Variants in DPYD observed in about 807,000 individuals in gnomAD.
The protein encoded by DPYD is dihydropyrimidine dehydrogenase [NADP(+)].
In DPYD, 109 loss-of-function variants were observed where a neutral mutation model predicts 116.2. The observed-to-expected ratio is 0.94, with a 90% CI of 0.80 to 1.10. DPYD has a LOEUF of 1.10. Among genes scored for constraint, DPYD ranks in the 50% least tolerant of loss-of-function variants. The pLI is 0.00. For missense variants in DPYD, 1,302 were observed against 1,254.5 expected, an observed-to-expected ratio of 1.04 and a Z score of -0.57; for synonymous variants, 440 against 432.0, an observed-to-expected ratio of 1.02 and a Z score of -0.23.
At chr1:97,343,272 A>T (rs1464332266) in intron 16 of DPYD, among the ~76,000 whole-genome samples, 1 of 152,118 alleles carries the variant, frequency 6.6e-6, no homozygotes, top group Non-Finnish European at 1.5e-5. Flanking sequence ...TTCAATTGTC[A>T]CAAACAAAGG....
chr1:97,864,869 G>C (rs1393967113), intron 2 of DPYD, among the ~76,000 whole-genome samples: 3 of 151,956 alleles, frequency 2.0e-5, no homozygotes, highest in Non-Finnish European at 2.9e-5. Flanking sequence ...AGTAAGATAT[G>C]AGAGCCTGGC....
chr1:97,317,006 C>A (rs1426466925), intron 16 of DPYD, among the ~76,000 whole-genome samples: 1 of 151,838 alleles, frequency 6.6e-6, no homozygotes, highest in East Asian at 1.9e-4. Flanking sequence ...ACAAAAAACT[C>A]TTCGAGAGCC....
intron 12 of DPYD, among the ~76,000 whole-genome samples, chr1:97,543,962 T>G (rs534207858): frequency 2.6e-4 from 40 of 151,890 alleles, no homozygotes; most frequent in Middle Eastern, 3.4e-3. Context: ...GGGAAATGGG[T>G]GAAGTGGGGG....
chr1:97,528,983 T>G (rs1329675404), intron 12 of DPYD, among the ~76,000 whole-genome samples: 1 of 152,204 alleles, frequency 6.6e-6, no homozygotes, highest in Non-Finnish European at 1.5e-5. Flanking sequence ...GATATGGTCC[T>G]GTCTGCCTAT....
chr1:97,429,729 A>G (rs1426985765), intron 14 of DPYD, among the ~76,000 whole-genome samples: 1 of 152,162 alleles, frequency 6.6e-6, no homozygotes, highest in African/African-American at 2.4e-5. Flanking sequence ...AGTAGCTTCT[A>G]CTAACGAATT....
intron 19 of DPYD, among the ~76,000 whole-genome samples, chr1:97,208,430 G>T (rs138269430): frequency 1.3e-5 from 2 of 151,252 alleles, no homozygotes; most frequent in African/African-American, 4.9e-5. Context: ...GACTACAGGC[G>T]CATGCCACCA....
At chr1:97,738,980 G>A (rs1664110263) in intron 4 of DPYD, among the ~76,000 whole-genome samples, 1 of 151,924 alleles carries the variant, frequency 6.6e-6, no homozygotes, top group Non-Finnish European at 1.5e-5. Context: ...TACTGATTCT[G>A]AAATATCTAT....
rs1241096894 is a variant in DPYD at position 97,563,032 on chromosome 1, A to T, written c.1339+10728T>A. ...CCATGCCCGGCCAAATATCTAATTTAACCAGAGTATTTTAGATAGGGATGT... is the reference window on the plus strand; with the variant it reads ...CCATGCCCGGCCAAATATCTAATTTTACCAGAGTATTTTAGATAGGGATGT... On this transcript the variant is annotated intron_variant, in intron 11 of 22. Coordinates refer to ENST00000370192, the MANE Select transcript of DPYD (RefSeq NM_000110.4). 2.6e-5 allele frequency among the ~76,000 whole-genome samples: 4 copies of T among 152,130 alleles called. No homozygotes were observed. The East Asian group carries it at 7.7e-4, about 29-fold the overall frequency.
chr1:97,599,361 T>A lies in DPYD; in HGVS notation c.851-4195A>T, dbSNP rs147080090. Among the ~76,000 whole-genome samples the A allele has an allele frequency of 7.1e-3, 1,079 of 152,292 alleles. 8 individuals carry two copies. Among genetic ancestry groups the A allele is most frequent in the Non-Finnish European group, 9.9e-3 (672 of 68,032 alleles). On this transcript the variant is annotated intron_variant, in intron 8 of 22. Coordinates refer to ENST00000370192, the MANE Select transcript of DPYD (RefSeq NM_000110.4). The stretch of plus-strand genomic sequence containing the variant: ...GTGCTCACATAAAGTTTTGCACAAC[T>A]TCAGTTAACATGAACAAGATATTAG...
chr1:97,373,423 A>ATTTAGTG, intron 16 of DPYD, 138 bp downstream of exon 16: 1 of 693,388 alleles, frequency 1.4e-6, no homozygotes, highest in Non-Finnish European at 2.4e-6. Flanking sequence ...AACACTAAAT[A>ATTTAGTG]TTTAAACAAT....
chr1:97,725,943 T>C (rs1663233316), intron 4 of DPYD, among the ~76,000 whole-genome samples: 1 of 151,540 alleles, frequency 6.6e-6, no homozygotes, highest in Non-Finnish European at 1.5e-5. Flanking sequence ...CAGTGAATTG[T>C]CAACTTCACT....
intron 14 of DPYD, among the ~76,000 whole-genome samples, chr1:97,426,590 C>T (rs1355469201): frequency 6.6e-6 from 1 of 152,020 alleles, no homozygotes; most frequent in African/African-American, 2.4e-5. Context: ...CTGGATGCAA[C>T]TATTGGCTTA....
intron 5 of DPYD, among the ~76,000 whole-genome samples, chr1:97,717,065 C>T (rs903694795): frequency 6.6e-6 from 1 of 151,872 alleles, no homozygotes; most frequent in African/African-American, 2.4e-5. Context: ...AAGCATTTGT[C>T]ATTTATTTGT....
At chr1:97,674,842 G>C (rs1240283007) in intron 8 of DPYD, among the ~76,000 whole-genome samples, 1 of 152,036 alleles carries the variant, frequency 6.6e-6, no homozygotes, top group Non-Finnish European at 1.5e-5. Context: ...CACAGTGTTT[G>C]GGACATTGAT....
At chr1:97,154,176 C>T (rs954072616) in intron 20 of DPYD, among the ~76,000 whole-genome samples, 11 of 152,020 alleles carry the variant, frequency 7.2e-5, no homozygotes, top group African/African-American at 2.7e-4. Context: ...AGTCATCATA[C>T]GAAAAAGATA....
chr1:97,722,364 G>T (rs1447857794), intron 4 of DPYD, among the ~76,000 whole-genome samples: 1 of 151,346 alleles, frequency 6.6e-6, no homozygotes, highest in Non-Finnish European at 1.5e-5. Context: ...AGAAAAAAAA[G>T]TAAAAATTAA....
chr1:97,621,850 C>T (rs772924826), intron 8 of DPYD, among the ~76,000 whole-genome samples: 17 of 152,000 alleles, frequency 1.1e-4, no homozygotes, highest in East Asian at 7.7e-4. Context: ...CACATACACA[C>T]GCACAGATGT....
At chr1:97,251,762 T>C (rs970491089) in intron 18 of DPYD, among the ~76,000 whole-genome samples, 7 of 152,172 alleles carry the variant, frequency 4.6e-5, no homozygotes, top group Admixed American at 2.0e-4. Flanking sequence ...ACGGCTAGAC[T>C]ATACCTCTAA....
chr1:97,383,925 G>T (rs6690816), intron 14 of DPYD, among the ~76,000 whole-genome samples: 39,812 of 151,958 alleles, frequency 0.26, 5,426 homozygotes, highest in South Asian at 0.43. Context: ...CTGGGAAACA[G>T]AGCAATACCT....
Sources: gnomAD v4.1 joint callset for allele counts (sites outside exome capture counted in the v4.1 genomes callset) on GRCh38, gnomAD v4.1.1 for gene constraint, MANE v1.5 for transcripts, NCBI Gene and HGNC (gene_info 2026-07-23, HGNC 2026-07-21) for gene names.